The following IL1R1 variants were observed in gnomAD, a reference collection of about 807,000 sequenced individuals.
The protein encoded by IL1R1 is interleukin 1 receptor type 1.
IL1R1 carries 22 observed loss-of-function variants against 50.2 expected under a neutral mutation model. The ratio of observed to expected loss-of-function variants is 0.44; its 90% CI spans 0.31 to 0.63. IL1R1 has a LOEUF of 0.63. Among genes scored for constraint, IL1R1 ranks in the 20% least tolerant of loss-of-function variants. The pLI is 0.07. For missense variants in IL1R1, 509 were observed against 676.2 expected (o/e 0.75, Z 2.74); for synonymous variants, 251 against 236.7 (o/e 1.06, Z -0.55).
chr2:102,101,811 A>G (rs935121952), upstream of IL1R1, among the ~76,000 whole-genome samples: 2 of 152,238 alleles, frequency 1.3e-5, no homozygotes, highest in Non-Finnish European at 2.9e-5. Flanking sequence ...GGCTCGGCTC[A>G]GGGAATTCTA....
chr2:102,146,109 T>C (rs538690310), intron 1 of IL1R1, among the ~76,000 whole-genome samples: 11 of 152,256 alleles, frequency 7.2e-5, no homozygotes, highest in African/African-American at 2.4e-4. Flanking sequence ...TCGGTAATCA[T>C]GGTTCAGCGA....
intron 1 of IL1R1, among the ~76,000 whole-genome samples, chr2:102,082,536 G>C (rs879224434): frequency 5.9e-5 from 9 of 152,308 alleles, no homozygotes; most frequent in Admixed American, 5.9e-4. Context: ...CTTAGGAATA[G>C]TGTCATGATA....
intron 1 of IL1R1, among the ~76,000 whole-genome samples, chr2:102,113,850 T>C (rs1471337515): frequency 6.6e-6 from 1 of 152,208 alleles, no homozygotes; most frequent in Admixed American, 6.6e-5. Context: ...TGATTTTTGA[T>C]TTGTCTCTAA....
At chr2:102,147,590 T>C (rs886558213) in intron 1 of IL1R1, among the ~76,000 whole-genome samples, 1 of 152,134 alleles carries the variant, frequency 6.6e-6, no homozygotes, top group South Asian at 2.1e-4. Flanking sequence ...TGGGTTCTGG[T>C]TCTGTTGTCC....
chr2:102,175,014 C>T (rs1037992116), intron 10 of IL1R1, among the ~76,000 whole-genome samples: 1 of 151,750 alleles, frequency 6.6e-6, no homozygotes, highest in African/African-American at 2.4e-5. Context: ...GTAGGCCTTG[C>T]TCTGTGATGA....
At chr2:102,159,827 G>A (rs973698629) in intron 3 of IL1R1, among the ~76,000 whole-genome samples, 17 of 152,188 alleles carry the variant, frequency 1.1e-4, no homozygotes, top group African/African-American at 2.4e-5. Context: ...TGTCTGCAAA[G>A]CTCTTGATAT....
At chr2:102,100,288 G>A (rs762231039), upstream of IL1R1, among the ~76,000 whole-genome samples, 1 of 152,126 alleles carries the variant, frequency 6.6e-6, no homozygotes, top group Non-Finnish European at 1.5e-5. Flanking sequence ...CACAATTGAA[G>A]AGTGCCATGA....
At chr2:102,146,784 A>G (rs1292436276) in intron 1 of IL1R1, among the ~76,000 whole-genome samples, 1 of 152,250 alleles carries the variant, frequency 6.6e-6, no homozygotes, top group Admixed American at 6.5e-5. Flanking sequence ...TCTGGAGGTC[A>G]TGCAGGACAA....
chr2:102,072,576 GGCTTTTT>G (rs1201761029), intron 1 of IL1R1, among the ~76,000 whole-genome samples: 4 of 152,054 alleles, frequency 2.6e-5, no homozygotes, highest in East Asian at 1.9e-4. Flanking sequence ...CACGTCTATT[GGCTTTTT>G]GCTTTTTGCT....
At position 102,176,578 on chromosome 2, in the gene IL1R1, A is replaced by G. The variant is rs35739365; in HGVS notation, c.1529A>G (p.His510Arg). The change falls in exon 12 of 12, where the codon CAT becomes CGT. Residue 510 changes from histidine to arginine, a missense_variant. Transcript: ENST00000410023. ...TCGATTAAATTCATTAAGCAGAAACATGGGGCTATCCGCTGGTCAGGGGAC... is the reference window on the plus strand; with the variant it reads ...TCGATTAAATTCATTAAGCAGAAACGTGGGGCTATCCGCTGGTCAGGGGAC... ...PESIKFIKQK[H>R]GAIRWSGDFT... 1.5e-4 allele frequency: 238 copies of G among 1,614,186 alleles called. 3 individuals are homozygous for G. In the African/African-American group the frequency reaches 2.8e-3, roughly 19 times the overall value.
intron 1 of IL1R1, among the ~76,000 whole-genome samples, chr2:102,112,127 C>T (rs1350119017): frequency 1.3e-5 from 2 of 151,606 alleles, no homozygotes; most frequent in Admixed American, 1.3e-4. Flanking sequence ...TTTCAGGGCT[C>T]TGGAGAAGGG....
intron 1 of IL1R1, among the ~76,000 whole-genome samples, chr2:102,087,332 C>T (rs940158297): frequency 1.3e-5 from 2 of 152,106 alleles, no homozygotes; most frequent in East Asian, 1.9e-4. Flanking sequence ...CATGCCACAG[C>T]GATCAACTCT....
At chr2:102,093,933 C>T (rs932625356) in intron 1 of IL1R1, among the ~76,000 whole-genome samples, 34 of 152,312 alleles carry the variant, frequency 2.2e-4, no homozygotes, top group Middle Eastern at 3.4e-3. Flanking sequence ...GGTCCAGCCA[C>T]GCCCGGTTCC....
upstream of IL1R1, among the ~76,000 whole-genome samples, chr2:102,139,449 T>C (rs1682519934): frequency 6.6e-6 from 1 of 152,194 alleles, no homozygotes; most frequent in African/African-American, 2.4e-5. Context: ...ATGGCATCCC[T>C]CTCTTCCAGT....
intron 1 of IL1R1, among the ~76,000 whole-genome samples, chr2:102,145,979 GA>G (rs11320267): frequency 0.37 from 56,591 of 151,896 alleles, 11,996 homozygotes; most frequent in Admixed American, 0.46. Context: ...AAGTGCTCAG[GA>G]AAAAAAGCAT....
chr2:102,093,112 T>G (rs1679750943), intron 1 of IL1R1, among the ~76,000 whole-genome samples: 1 of 152,206 alleles, frequency 6.6e-6, no homozygotes, highest in African/African-American at 2.4e-5. Flanking sequence ...TTAGTGGAAT[T>G]GCCTGTTATT....
At chr2:102,072,252 T>TCTGTG (rs754089770) in intron 1 of IL1R1, among the ~76,000 whole-genome samples, 2 of 148,308 alleles carry the variant, frequency 1.3e-5, no homozygotes, top group African/African-American at 2.5e-5. Flanking sequence ...AGAGCAAGAC[T>TCTGTG]CTGTGTCACC....
chr2:102,126,691 A>C (rs1054098242), intron 1 of IL1R1, among the ~76,000 whole-genome samples: 9 of 151,618 alleles, frequency 5.9e-5, no homozygotes, highest in African/African-American at 1.7e-4. Context: ...GTAGATGCAC[A>C]CCCAACCAAA....
chr2:102,093,913 A>C (rs992812434), intron 1 of IL1R1, among the ~76,000 whole-genome samples: 1 of 152,196 alleles, frequency 6.6e-6, no homozygotes, highest in African/African-American at 2.4e-5. Flanking sequence ...GTCCTCCTGC[A>C]GCAGTGTGGG....
Sources: gnomAD v4.1 joint callset for allele counts (sites outside exome capture counted in the v4.1 genomes callset) on GRCh38, gnomAD v4.1.1 for gene constraint, MANE v1.5 for transcripts, NCBI Gene and HGNC (gene_info 2026-07-23, HGNC 2026-07-21) for gene names.